The following LOXHD1 variants were observed in gnomAD, a reference collection of about 807,000 sequenced individuals.
LOXHD1 encodes the protein lipoxygenase homology PLAT domains 1, also known as lipoxygenase homology domain-containing protein 1.
Under a neutral mutation model 248.2 loss-of-function variants are expected in LOXHD1, and 205 were observed. That is an observed-to-expected ratio of 0.83 (90% CI 0.74 to 0.93). The LOEUF (loss-of-function observed/expected upper bound fraction) is 0.93, where lower values mean the gene tolerates loss of function less well. Among genes scored for constraint, LOXHD1 ranks in the 40% least tolerant of loss-of-function variants. The pLI, the probability that LOXHD1 is intolerant of heterozygous loss-of-function variation, is 0.00. For missense variants in LOXHD1, 2,930 were observed against 2,971.6 expected, an observed-to-expected ratio of 0.99 and a Z score of 0.33; for synonymous variants, 1,113 against 1,162.8, an observed-to-expected ratio of 0.96 and a Z score of 0.87.
chr18:46,539,339 T>A (rs1288399574), intron 25 of LOXHD1, among the ~76,000 whole-genome samples: 4 of 152,166 alleles, frequency 2.6e-5, no homozygotes, highest in African/African-American at 9.7e-5. Context: ...TGGGTATCTG[T>A]AGCCCCAGCT....
At chr18:46,526,220 CAG>C (rs1305088798) in intron 29 of LOXHD1, among the ~76,000 whole-genome samples, 1 of 152,194 alleles carries the variant, frequency 6.6e-6, no homozygotes, top group Non-Finnish European at 1.5e-5. Flanking sequence ...ATGTTTACCA[CAG>C]ATAATTTTTA....
chr18:46,608,348 AAC>A (rs996306774), intron 6 of LOXHD1, among the ~76,000 whole-genome samples: 19 of 152,154 alleles, frequency 1.2e-4, no homozygotes, highest in African/African-American at 4.1e-4. Context: ...ACAACAAAGA[AAC>A]ACATCTTGGC....
chr18:46,629,036 A>G lies in LOXHD1; in HGVS notation c.511+10580T>C, dbSNP rs182527012. Among the ~76,000 whole-genome samples the G allele has an allele frequency of 3.9e-5, 6 of 152,258 alleles. No homozygotes were observed. In the East Asian group the frequency reaches 1.2e-3, roughly 29 times the overall value. ...AATAGGGCAGAAAGATCCACAGTAGAAAGGAAGCCACCAAAGGCCAATCTC... is the reference window on the plus strand; with the variant it reads ...AATAGGGCAGAAAGATCCACAGTAGGAAGGAAGCCACCAAAGGCCAATCTC... On this transcript the variant is annotated intron_variant, in intron 4 of 40. Coordinates refer to ENST00000642948, the MANE Select transcript of LOXHD1 (RefSeq NM_001384474.1).
chr18:46,556,229 A>G (rs1210352340), intron 21 of LOXHD1, among the ~76,000 whole-genome samples: 1 of 151,966 alleles, frequency 6.6e-6, no homozygotes, highest in African/African-American at 2.4e-5. Context: ...GCAAAACCTA[A>G]AATATTTACT....
intron 23 of LOXHD1, 69 bp from the exon 24 acceptor site, chr18:46,542,924 C>T (rs1414188178): frequency 2.0e-6 from 3 of 1,535,702 alleles, no homozygotes; most frequent in Non-Finnish European, 2.6e-6. Context: ...AGACCCAAAC[C>T]TTTAATCCCT....
intron 26 of LOXHD1, among the ~76,000 whole-genome samples, chr18:46,537,341 G>A (rs1250931865): frequency 6.6e-6 from 1 of 152,116 alleles, no homozygotes; most frequent in Non-Finnish European, 1.5e-5. Flanking sequence ...ATTTACACAG[G>A]GACAATTATA....
chr18:46,615,014 T>C (rs1257501179), intron 5 of LOXHD1, among the ~76,000 whole-genome samples: 1 of 152,202 alleles, frequency 6.6e-6, no homozygotes, highest in Non-Finnish European at 1.5e-5. Flanking sequence ...TCCTTGGAAT[T>C]TGGCTATAGT....
intron 7 of LOXHD1, among the ~76,000 whole-genome samples, chr18:46,602,616 C>G (rs2038356494): frequency 6.6e-6 from 1 of 152,132 alleles, no homozygotes; most frequent in Non-Finnish European, 1.5e-5. Flanking sequence ...CCCATAACCT[C>G]AGAGAAATAA....
intron 10 of LOXHD1, among the ~76,000 whole-genome samples, chr18:46,593,130 C>A (rs1011372891): frequency 1.5e-4 from 23 of 151,730 alleles, no homozygotes; most frequent in African/African-American, 5.1e-4. Flanking sequence ...GTTGAAATAG[C>A]ACTTCCATTG....
chr18:46,639,316 C>G (rs769607728), intron 4 of LOXHD1, among the ~76,000 whole-genome samples: 1 of 152,218 alleles, frequency 6.6e-6, no homozygotes, highest in Non-Finnish European at 1.5e-5. Context: ...GATAGATACC[C>G]CATCAACAAG....
intron 5 of LOXHD1, among the ~76,000 whole-genome samples, chr18:46,615,764 C>T (rs1183765786): frequency 1.3e-5 from 2 of 152,132 alleles, no homozygotes; most frequent in Non-Finnish European, 1.5e-5. Context: ...ATGCATTTGG[C>T]CTATCCATTA....
chr18:46,513,482 G>C (rs1471376515), intron 34 of LOXHD1, among the ~76,000 whole-genome samples: 1 of 152,188 alleles, frequency 6.6e-6, no homozygotes, highest in Non-Finnish European at 1.5e-5. Flanking sequence ...GTAATCCCAA[G>C]AGTCCTTATA....
intron 6 of LOXHD1, among the ~76,000 whole-genome samples, chr18:46,605,088 G>A (rs918252058): frequency 2.0e-5 from 3 of 152,200 alleles, no homozygotes; most frequent in African/African-American, 7.2e-5. Context: ...TGGTAGCTTT[G>A]TAAAATATTG....
Position 46,533,272 on chromosome 18 carries a change from T to C in LOXHD1, c.4265A>G (p.Asp1422Gly). The C allele has an allele frequency of 6.4e-7, 1 of 1,551,726 alleles. No individual in the cohort carries two copies. Among genetic ancestry groups the C allele is most frequent in the Non-Finnish European group, 8.7e-7 (1 of 1,146,998 alleles). ...PCDRWLATSE[D>G]DKKTIRELVP... is the part of the protein sequence containing the mutation. Reference sequence around the variant, plus strand: ...CAGTTCTCGAATGGTCTTTTTGTCATCCTCAGAGGTGGCAAGCCACCGATC... The same window carrying C: ...CAGTTCTCGAATGGTCTTTTTGTCACCCTCAGAGGTGGCAAGCCACCGATC... The change falls in exon 28 of 41, where the codon GAT becomes GGT. Residue 1422 changes from aspartate to glycine, a missense_variant. Asp to Gly is a moderately conservative substitution (Grantham distance 94). Coordinates refer to ENST00000642948, the MANE Select transcript of LOXHD1 (RefSeq NM_001384474.1).
chr18:46,637,327 C>A (rs953054202), intron 4 of LOXHD1, among the ~76,000 whole-genome samples: 12 of 152,166 alleles, frequency 7.9e-5, no homozygotes, highest in Non-Finnish European at 1.5e-4. Context: ...GGGTGTCTAC[C>A]CTGAGGATTC....
chr18:46,605,790 G>T (rs368251440), intron 6 of LOXHD1, among the ~76,000 whole-genome samples: 3 of 152,260 alleles, frequency 2.0e-5, no homozygotes, highest in South Asian at 2.1e-4. Flanking sequence ...GAGAGGAGGA[G>T]TAGGAAGATG....
rs1019111171 is a variant in LOXHD1 at position 46,522,140 on chromosome 18, G to A, written c.5046C>T (p.Tyr1682=). 31 of 1,551,322 alleles carry A rather than the reference G, an allele frequency of 2.0e-5. No individual in the cohort carries two copies. Among genetic ancestry groups the A allele is most frequent in the Admixed American group, 5.9e-5 (3 of 50,980 alleles). Residue 1682 remains tyrosine (Y), a synonymous_variant, in exon 32 of 41, where the codon TAC becomes TAT. Coordinates refer to ENST00000642948, the MANE Select transcript of LOXHD1 (RefSeq NM_001384474.1). ...TGATGCCCACATCCAAGCCTGCGAC[G>A]TAGAACTCCTCCACAGAGCCACGGC... is the stretch of plus-strand genomic sequence containing the variant. ...GFSRGSVEEF[Y]VAGLDVGIIK... is the part of the protein sequence containing the mutation.
chr18:46,640,330 C>T (rs2038947164), intron 3 of LOXHD1, among the ~76,000 whole-genome samples: 1 of 152,212 alleles, frequency 6.6e-6, no homozygotes, highest in Admixed American at 6.5e-5. Flanking sequence ...ACCGCCTCTC[C>T]CATTGCTGTG....
At chr18:46,603,687 CAAT>C (rs2038372379) in intron 7 of LOXHD1, among the ~76,000 whole-genome samples, 1 of 152,126 alleles carries the variant, frequency 6.6e-6, no homozygotes, top group Admixed American at 6.5e-5. Flanking sequence ...GTGATGGGAA[CAAT>C]AACAGTTCCT....
Sources: gnomAD v4.1 joint callset for allele counts (sites outside exome capture counted in the v4.1 genomes callset) on GRCh38, gnomAD v4.1.1 for gene constraint, MANE v1.5 for transcripts, NCBI Gene and HGNC (gene_info 2026-07-23, HGNC 2026-07-21) for gene names.